MSRB2: variants seen among roughly 807,000 people sequenced by gnomAD.
MSRB2 encodes methionine sulfoxide reductase B2.
A neutral mutation model predicts 19.0 loss-of-function variants in MSRB2; 17 were observed. That is an observed-to-expected ratio of 0.89 (90% CI 0.61 to 1.34). MSRB2 has a LOEUF of 1.34. Ranked by LOEUF, MSRB2 falls within the 40% of genes most tolerant of loss-of-function variation. The pLI is 0.00. For missense variants in MSRB2, 208 were observed against 237.6 expected (o/e 0.88, Z 0.82); for synonymous variants, 107 against 99.7 (o/e 1.07, Z -0.44).
In MSRB2 at chr10:23,095,698, C is replaced by A. The variant is rs972203953; in HGVS notation, c.90C>A (p.Pro30=). The change falls in exon 1 of 5, where the codon CCC becomes CCA. Residue 30 remains proline, a synonymous_variant. Coordinates refer to ENST00000376510, the MANE Select transcript of MSRB2 (RefSeq NM_012228.4). ...AVRGQAGGGG[P]GTGPGLGEAG... ...GGGGCCAAGCGGGCGGCGGCGGGCC[C>A]GGCACCGGGCCGGGACTGGGGGAGG... 6.1e-6 allele frequency: 8 copies of A among 1,307,936 alleles called. No homozygotes were observed. Among genetic ancestry groups the A allele is most frequent in the South Asian group, 2.3e-5 (1 of 44,400 alleles). 81.0% of individuals were successfully genotyped at this position (1,307,936 alleles called of 1,614,324 possible).
At position 23,121,030 on chromosome 10, in the gene MSRB2, T is replaced by C; in HGVS notation, c.*168T>C. On this transcript the variant is annotated 3_prime_UTR_variant, in exon 5 of 5. Transcript: ENST00000376510. ...TATTTACCTGGAATCAACTTAATCC[T>C]GTGTGTTAGGCTGTTCTTGTGTTGC... 1 of 598,348 alleles carries C rather than the reference T, an allele frequency of 1.7e-6. No individual in the cohort carries two copies. The highest frequency in any genetic ancestry group is 3.0e-6 in the Non-Finnish European group (1 of 335,436). The allele number at this position is 598,348 out of a possible 1,614,324, so 37.1% of individuals were successfully genotyped here.
At chr10:23,107,455 C>A (rs891551540) in intron 2 of MSRB2, among the ~76,000 whole-genome samples, 2 of 152,218 alleles carry the variant, frequency 1.3e-5, no homozygotes, top group Admixed American at 1.3e-4. Flanking sequence ...TCTTACTCTT[C>A]AAAAGTCAGC....
chr10:23,120,956 C>CAAG lies in MSRB2; in HGVS notation c.*94_*95insAAG. 1 of 985,526 alleles carries CAAG rather than the reference C, an allele frequency of 1.0e-6. No individual in the cohort carries two copies. The highest frequency in any genetic ancestry group is 1.5e-6 in the Non-Finnish European group (1 of 651,928). The allele number at this position is 985,526 out of a possible 1,614,324, so 61.0% of individuals were successfully genotyped here. On this transcript the variant is annotated 3_prime_UTR_variant, in exon 5 of 5. Transcript: ENST00000376510. ...ATGACTTGTTTTATTTGCAATAAAA[C>CAAG]TGGGCTGAATTTGCTGCTGTCTCCA...
In MSRB2 at chr10:23,095,653, T is replaced by G. The variant is rs1363826531; in HGVS notation, c.45T>G (p.Thr15=). The G allele has an allele frequency of 2.9e-6, 4 of 1,401,826 alleles. No individual in the cohort carries two copies. The highest frequency in any genetic ancestry group is 2.8e-5 in the Admixed American group (1 of 35,118). 86.8% of individuals were successfully genotyped at this position (1,401,826 alleles called of 1,614,324 possible). A position where few individuals can be genotyped will look rare whatever the true frequency, so the allele number is the denominator to read the frequency against. Residue 15 remains threonine (T), a synonymous_variant, in exon 1 of 5, where the codon ACT becomes ACG. Transcript: ENST00000376510. ...TGCTCCGGGGCCTGACCCTCGGAAC[T>G]GCGCCTCGGCGGGCGGTGCGGGGCC... ...LWLLRGLTLG[T]APRRAVRGQA... is the part of the protein sequence containing the mutation.
At chr10:23,117,187 A>G (rs1012716185) in intron 3 of MSRB2, among the ~76,000 whole-genome samples, 4 of 152,222 alleles carry the variant, frequency 2.6e-5, no homozygotes, top group African/African-American at 9.6e-5. Context: ...GATGTAACAG[A>G]CAGATCCCAG....
At chr10:23,105,286 A>G (rs1839975018) in intron 2 of MSRB2, among the ~76,000 whole-genome samples, 1 of 152,052 alleles carries the variant, frequency 6.6e-6, no homozygotes, top group Non-Finnish European at 1.5e-5. Flanking sequence ...TTACACATAT[A>G]TAATGCATAG....
intron 3 of MSRB2, 148 bp from the exon 4 acceptor site, chr10:23,119,156 G>T: frequency 1.0e-6 from 1 of 982,684 alleles, no homozygotes; most frequent in East Asian, 2.5e-5. Flanking sequence ...ACGATTCCGG[G>T]GGGACTGACT....
At chr10:23,119,218 C>A in intron 3 of MSRB2, 86 bp from the exon 4 acceptor site, 1 of 1,527,424 alleles carries the variant, frequency 6.5e-7, no homozygotes, top group Non-Finnish European at 9.0e-7. Flanking sequence ...ACAGATCCTG[C>A]TGCCTGGAAC....
chr10:23,115,666 A>C (rs1840102733), intron 3 of MSRB2, among the ~76,000 whole-genome samples: 1 of 152,236 alleles, frequency 6.6e-6, no homozygotes, highest in African/African-American at 2.4e-5. Flanking sequence ...ACAATCTGCT[A>C]ATCACTTAAA....
Position 23,095,594 on chromosome 10 carries a change from G to A in MSRB2, c.-15G>A. The A allele has an allele frequency of 1.4e-6, 2 of 1,476,742 alleles. No homozygotes were observed. The highest frequency in any genetic ancestry group is 2.3e-5 in the Admixed American group (1 of 44,310). The allele number at this position is 1,476,742 out of a possible 1,614,324, so 91.5% of individuals were successfully genotyped here. ...GGCAGAGGGCAGAGGGCGGAGCGGC[G>A]CCGGAGCGGGCGTCATGGCGCGGCT... On this transcript the variant is annotated 5_prime_UTR_variant, in exon 1 of 5. Transcript: ENST00000376510.
chr10:23,118,109 A>C (rs1480481969), intron 3 of MSRB2, among the ~76,000 whole-genome samples: 1 of 152,176 alleles, frequency 6.6e-6, no homozygotes, highest in Non-Finnish European at 1.5e-5. Flanking sequence ...ATAATGTATA[A>C]TTTGTTAAAT....
At position 23,119,469 on chromosome 10, in the gene MSRB2, GT is replaced by G; in HGVS notation, c.444+22del. ...GCAAGCAGGTGAGGTTTCTCATTTTGTTTTACTTTCCCTGATGCTGCCCCCA... is the reference window on the plus strand; with the variant it reads ...GCAAGCAGGTGAGGTTTCTCATTTTGTTTACTTTCCCTGATGCTGCCCCCA... On this transcript the variant is annotated intron_variant, in intron 4 of 4. Transcript: ENST00000376510. The G allele has an allele frequency of 6.2e-7, 1 of 1,608,444 alleles. No individual in the cohort carries two copies. The highest frequency in any genetic ancestry group is 8.5e-7 in the Non-Finnish European group (1 of 1,176,182).
chr10:23,115,037 C>A (rs1369385744), intron 3 of MSRB2, among the ~76,000 whole-genome samples: 3 of 152,256 alleles, frequency 2.0e-5, no homozygotes, highest in Admixed American at 6.5e-5. Context: ...CCAGCCTCAT[C>A]CACCAGACTT....
intron 3 of MSRB2, among the ~76,000 whole-genome samples, chr10:23,116,997 T>G (rs1840119014): frequency 6.6e-6 from 1 of 152,202 alleles, no homozygotes; most frequent in African/African-American, 2.4e-5. Flanking sequence ...ATGAGGTGTG[T>G]CTGACCTCCT....
intron 3 of MSRB2, among the ~76,000 whole-genome samples, chr10:23,111,375 C>T (rs888013788): frequency 6.6e-6 from 1 of 152,182 alleles, no homozygotes; most frequent in African/African-American, 2.4e-5. Flanking sequence ...TGAGATGGCC[C>T]ATGAGCTTTC....
At position 23,119,413 on chromosome 10, in the gene MSRB2, T is replaced by G; in HGVS notation, c.406T>G (p.Ser136Ala). 2 of 1,614,072 alleles carry G rather than the reference T, an allele frequency of 1.2e-6. No homozygotes were observed. Among genetic ancestry groups the G allele is most frequent in the Non-Finnish European group, 1.7e-6 (2 of 1,180,000 alleles). ...AGGGATCCTGAGACGTCTGGATACCTCGTTAGGATCAGCTCGCACAGAGGT... is the reference window on the plus strand; with the variant it reads ...AGGGATCCTGAGACGTCTGGATACCGCGTTAGGATCAGCTCGCACAGAGGT... ...HTGILRRLDT[S>A]LGSARTEVVC... The change falls in exon 4 of 5, where the codon TCG (serine) becomes GCG (alanine). Residue 136 changes from serine (S) to alanine (A), a missense_variant. Ser to Ala is a moderately conservative substitution (Grantham distance 99, BLOSUM62 1). Transcript: ENST00000376510.
intron 1 of MSRB2, among the ~76,000 whole-genome samples, chr10:23,101,364 A>G (rs1839924645): frequency 6.6e-6 from 1 of 152,174 alleles, no homozygotes; most frequent in African/African-American, 2.4e-5. Flanking sequence ...GCTGAGTAGT[A>G]TTCCATAGTC....
chr10:23,097,972 T>C (rs916249767), intron 1 of MSRB2, among the ~76,000 whole-genome samples: 1 of 152,120 alleles, frequency 6.6e-6, no homozygotes, highest in African/African-American at 2.4e-5. Context: ...TCTCATATGC[T>C]TAGAGTGATT....
intron 3 of MSRB2, among the ~76,000 whole-genome samples, chr10:23,117,728 C>T (rs976406635): frequency 2.6e-5 from 4 of 152,142 alleles, no homozygotes; most frequent in African/African-American, 9.7e-5. Flanking sequence ...GTAGCTAGGA[C>T]TACAGGCATG....
Sources: allele counts gnomAD v4.1 joint callset (sites outside exome capture counted in the v4.1 genomes callset), GRCh38; gene constraint gnomAD v4.1.1; transcripts MANE v1.5; gene names NCBI Gene and HGNC (gene_info 2026-07-23, HGNC 2026-07-21).